CTNNA3: variants seen among roughly 807,000 people sequenced by gnomAD.
CTNNA3 encodes the protein catenin alpha 3.
CTNNA3 carries 76 observed loss-of-function variants against 95.7 expected under a neutral mutation model. That is an observed-to-expected ratio of 0.79 (90% CI 0.66 to 0.96). The LOEUF (loss-of-function observed/expected upper bound fraction) is 0.96, where lower values mean the gene tolerates loss of function less well. Among genes scored for constraint, CTNNA3 ranks in the 40% least tolerant of loss-of-function variants. The pLI is 0.00. For synonymous variants in CTNNA3, 431 were observed against 374.4 expected, an observed-to-expected ratio of 1.15 and a Z score of -1.74; for missense variants, 1,191 against 1,089.8, an observed-to-expected ratio of 1.09 and a Z score of -1.31.
chr10:67,390,439 G>A (rs1844415105), intron 5 of CTNNA3, among the ~76,000 whole-genome samples: 1 of 152,124 alleles, frequency 6.6e-6, no homozygotes, highest in African/African-American at 2.4e-5. Context: ...AAAGAGTCCA[G>A]GACCAGATGT....
Position 67,124,373 on chromosome 10 carries a change from T to TGG in CTNNA3, c.1047+55942_1047+55943dup, listed in dbSNP as rs1554926417. On this transcript the variant is annotated intron_variant, in intron 7 of 17. Transcript: ENST00000433211. ...GTGTGTGTGTGTGTGTGTGTGTGTG[T>TGG]GGTCTATAAATGACTGTGGAAGGTT... is the stretch of plus-strand genomic sequence containing the variant. Among the ~76,000 whole-genome samples the TGG allele has an allele frequency of 9.8e-3, 1,402 of 143,596 alleles. 16 individuals carry two copies. The highest frequency in any genetic ancestry group is 0.035 in the African/African-American group (1,338 of 38,602). The allele number at this position is 143,596 out of a possible 152,430, so 94.2% of individuals were successfully genotyped here.
intron 3 of CTNNA3, among the ~76,000 whole-genome samples, chr10:67,592,480 C>T (rs1040767066): frequency 6.6e-6 from 1 of 151,988 alleles, no homozygotes; most frequent in African/African-American, 2.4e-5. Context: ...AGCAAAAAAG[C>T]CACAATATTT....
At chr10:67,707,691 A>G (rs780912643) in intron 1 of CTNNA3, among the ~76,000 whole-genome samples, 1 of 152,172 alleles carries the variant, frequency 6.6e-6, no homozygotes, top group Non-Finnish European at 1.5e-5. Context: ...AATACAAGGT[A>G]AGCATCAATA....
At chr10:67,017,962 G>A (rs943727756) in intron 7 of CTNNA3, among the ~76,000 whole-genome samples, 1 of 151,966 alleles carries the variant, frequency 6.6e-6, no homozygotes, top group Non-Finnish European at 1.5e-5. Flanking sequence ...AGTTGAGATG[G>A]GGTTTCACCA....
At chr10:66,298,808 T>C (rs2091820346) in intron 12 of CTNNA3, among the ~76,000 whole-genome samples, 1 of 152,180 alleles carries the variant, frequency 6.6e-6, no homozygotes, top group South Asian at 2.1e-4. Flanking sequence ...GATCTTCCAT[T>C]ATTCTCTAGT....
rs576934927 is a variant in CTNNA3, at chr10:66,629,581, G to A, written c.1282-7797C>T. Among the ~76,000 whole-genome samples, 9 of 152,160 alleles carry A rather than the reference G, an allele frequency of 5.9e-5. No homozygotes were observed. In the South Asian group the frequency reaches 1.9e-3, roughly 32 times the overall value. On this transcript the variant is annotated intron_variant, in intron 9 of 17. Coordinates refer to ENST00000433211, the MANE Select transcript of CTNNA3 (RefSeq NM_013266.4). The stretch of plus-strand genomic sequence containing the variant: ...AGCAAATGTTCTTTCTCTACAATAT[G>A]TTCACATTGCAGCCAACAAATTTTT...
chr10:66,782,592 T>C (rs1177962512), intron 7 of CTNNA3, among the ~76,000 whole-genome samples: 5 of 152,042 alleles, frequency 3.3e-5, no homozygotes, highest in African/African-American at 7.2e-5. Context: ...CTTTTATTTA[T>C]ACTCTGCCTC....
At chr10:66,520,245 C>CTTTTTTTTTTTTTTTT (rs543882241) in intron 11 of CTNNA3, among the ~76,000 whole-genome samples, 2 of 78,012 alleles carry the variant, frequency 2.6e-5, no homozygotes, top group Non-Finnish European at 4.5e-5. Flanking sequence ...TAGTATTATT[C>CTTTTTTTTTTTTTTTT]TTTTTTTTTT....
chr10:66,033,088 G>T (rs540705840), intron 15 of CTNNA3, among the ~76,000 whole-genome samples: 1 of 150,990 alleles, frequency 6.6e-6, no homozygotes, highest in South Asian at 2.1e-4. Context: ...CTCCCTGGAA[G>T]TTACACTGAT....
At position 65,916,305 on chromosome 10, in the gene CTNNA3, G is replaced by C. The variant is rs989097563; in HGVS notation, c.*4025C>G. ...TGATTCCTAAATATACAATAGGCAGGCTGTCTTGGCAAAAAATAGGCCAAC... is the reference window on the plus strand; with the variant it reads ...TGATTCCTAAATATACAATAGGCAGCCTGTCTTGGCAAAAAATAGGCCAAC... On this transcript the variant is annotated 3_prime_UTR_variant, in exon 18 of 18. Transcript: ENST00000433211. 6.6e-6 allele frequency: 1 copy of C among 151,978 alleles called. No individual in the cohort carries two copies. Among genetic ancestry groups the C allele is most frequent in the African/African-American group, 2.4e-5 (1 of 41,346 alleles). 9.4% of individuals were successfully genotyped at this position (151,978 alleles called of 1,614,324 possible). A position where few individuals can be genotyped will look rare whatever the true frequency, so the allele number is the denominator to read the frequency against.
At chr10:67,486,052 A>T (rs1191508608) in intron 5 of CTNNA3, among the ~76,000 whole-genome samples, 1 of 152,226 alleles carries the variant, frequency 6.6e-6, no homozygotes, top group Non-Finnish European at 1.5e-5. Flanking sequence ...GGAATTTTAA[A>T]AGATAAGTTA....
intron 14 of CTNNA3, among the ~76,000 whole-genome samples, chr10:66,092,760 CAATGGAAGAGGAGAGAGATTTAGGCTTA>C (rs1366112270): frequency 6.6e-6 from 1 of 151,852 alleles, no homozygotes; most frequent in Non-Finnish European, 1.5e-5. Context: ...CTCTATAAAT[CAATGGAAGAGGAGAGAGATTTAGGCTTA>C]AATCACAGAA....
At chr10:67,490,986 TC>T in intron 5 of CTNNA3, among the ~76,000 whole-genome samples, 1 of 151,830 alleles carries the variant, frequency 6.6e-6, no homozygotes, top group East Asian at 1.9e-4. Context: ...TTGTAAACCA[TC>T]CCAAACCATC....
rs1315163933 is a variant in CTNNA3, at chr10:67,053,502, A to G, written c.1047+126815T>C. ...TGCCCATCAGTCAGTATCTATATGC[A>G]TATCATTTGAAGAAGCTTGAAATAG... On this transcript the variant is annotated intron_variant, in intron 7 of 17. Transcript: ENST00000433211. Among the ~76,000 whole-genome samples the G allele has an allele frequency of 3.9e-5, 6 of 152,284 alleles. No homozygotes were observed. In the East Asian group the frequency reaches 1.2e-3, roughly 29 times the overall value.
chr10:67,020,087 C>T (rs111417144), intron 7 of CTNNA3, among the ~76,000 whole-genome samples: 1,931 of 152,270 alleles, frequency 0.013, 35 homozygotes, highest in African/African-American at 0.038. Context: ...TCTTGCAGCA[C>T]AGTCCCAAAT....
chr10:66,462,088 G>A lies in CTNNA3; in HGVS notation c.1531+58529C>T, dbSNP rs2093533873. On this transcript the variant is annotated intron_variant, in intron 11 of 17. Coordinates refer to ENST00000433211, the MANE Select transcript of CTNNA3 (RefSeq NM_013266.4). Reference sequence around the variant, plus strand: ...TCCCCCCAAAGTGCCAGGATTACAGGCATGAGCCACCACGCCCAGCCATGT... The same window carrying A: ...TCCCCCCAAAGTGCCAGGATTACAGACATGAGCCACCACGCCCAGCCATGT... Among the ~76,000 whole-genome samples the A allele has an allele frequency of 1.3e-5, 2 of 151,908 alleles. 1 individual carries two copies. Among genetic ancestry groups the A allele is most frequent in the South Asian group, 4.1e-4 (2 of 4,826 alleles).
At chr10:67,151,998 T>C (rs2132068078) in intron 7 of CTNNA3, among the ~76,000 whole-genome samples, 1 of 152,370 alleles carries the variant, frequency 6.6e-6, no homozygotes, top group Middle Eastern at 3.4e-3. Flanking sequence ...TTGACAATTG[T>C]TGTTTTCCTT....
chr10:67,632,338 C>T (rs935323464), intron 2 of CTNNA3, among the ~76,000 whole-genome samples: 1 of 151,758 alleles, frequency 6.6e-6, no homozygotes, highest in Admixed American at 6.6e-5. Flanking sequence ...TCCTTCTCCT[C>T]CTCCCCTGGG....
intron 7 of CTNNA3, among the ~76,000 whole-genome samples, chr10:67,128,088 A>G (rs188928274): frequency 1.7e-4 from 26 of 152,128 alleles, no homozygotes; most frequent in Admixed American, 1.5e-3. Flanking sequence ...CCTATATCTA[A>G]TTAATGTTCA....
Sources: allele counts gnomAD v4.1 joint callset (sites outside exome capture counted in the v4.1 genomes callset), GRCh38; gene constraint gnomAD v4.1.1; transcripts MANE v1.5; gene names NCBI Gene and HGNC (gene_info 2026-07-23, HGNC 2026-07-21).